The following NBAS variants were observed in gnomAD, a reference collection of about 807,000 sequenced individuals.
The protein encoded by NBAS is NAG/BC035112 fusion.
Under a neutral mutation model 302.5 loss-of-function variants are expected in NBAS, and 219 were observed. That is an observed-to-expected ratio of 0.72 (90% CI 0.65 to 0.81). The LOEUF (loss-of-function observed/expected upper bound fraction) is 0.81. NBAS is among the 30% of genes least tolerant of loss of function. NBAS has a pLI of 0.00. For synonymous variants in NBAS, 1,118 were observed against 1,021.6 expected (o/e 1.09, Z -1.80); for missense variants, 2,932 against 2,841.6 (o/e 1.03, Z -0.72).
At chr2:15,422,736 ATTT>A (rs953445887) in intron 23 of NBAS, among the ~76,000 whole-genome samples, 2 of 152,150 alleles carry the variant, frequency 1.3e-5, no homozygotes, top group African/African-American at 4.8e-5. Context: ...GACATGAGAA[ATTT>A]TTTAATTCAC....
At chr2:15,536,734 C>T (rs1383170577) in intron 7 of NBAS, among the ~76,000 whole-genome samples, 183 bp from the exon 8 acceptor site, 3 of 152,202 alleles carry the variant, frequency 2.0e-5, no homozygotes, top group Non-Finnish European at 4.4e-5. Flanking sequence ...ACACCCAAAT[C>T]TAGACCAGCC....
At chr2:15,541,045 T>C (rs141079981) in intron 6 of NBAS, among the ~76,000 whole-genome samples, 2 of 152,232 alleles carry the variant, frequency 1.3e-5, no homozygotes, top group African/African-American at 2.4e-5. Context: ...TTTATACATA[T>C]TGCTGCTCTA....
chr2:15,154,279 G>C, the NBAS span, among the ~76,000 whole-genome samples: 2 of 152,340 alleles, frequency 1.3e-5, no homozygotes, highest in Admixed American at 1.3e-4. Context: ...AGTTTCATTA[G>C]ATTCTATCCC....
At chr2:15,509,107 C>T (rs547108340) in intron 10 of NBAS, among the ~76,000 whole-genome samples, 1 of 152,274 alleles carries the variant, frequency 6.6e-6, no homozygotes, top group Admixed American at 6.5e-5. Context: ...CAGATATGAA[C>T]TAATGTGTCT....
At chr2:15,490,886 G>A (rs1680827233) in intron 11 of NBAS, among the ~76,000 whole-genome samples, 1 of 152,120 alleles carries the variant, frequency 6.6e-6, no homozygotes, top group Non-Finnish European at 1.5e-5. Context: ...AATTAGTCAT[G>A]TGTGATCTGT....
At chr2:15,411,818 T>C (rs1676700785) in intron 25 of NBAS, among the ~76,000 whole-genome samples, 1 of 152,076 alleles carries the variant, frequency 6.6e-6, no homozygotes, top group Admixed American at 6.6e-5. Context: ...GCATAGAAAA[T>C]GCTAAGAAAA....
intron 23 of NBAS, among the ~76,000 whole-genome samples, chr2:15,421,114 T>A (rs908210617): frequency 2.0e-5 from 3 of 152,098 alleles, no homozygotes; most frequent in African/African-American, 7.2e-5. Context: ...AAAGAATACA[T>A]CTACCTTTAT....
intron 38 of NBAS, among the ~76,000 whole-genome samples, chr2:15,314,794 G>A (rs1270582959): frequency 6.6e-6 from 1 of 152,132 alleles, no homozygotes; most frequent in Non-Finnish European, 1.5e-5. Context: ...CCTTTAATAG[G>A]AGCGTGGATG....
rs765301563 is a variant in NBAS at position 15,167,309 on chromosome 2, A to G, written c.6855T>C (p.Asn2285=). The change falls in exon 52 of 52, where the codon AAT becomes AAC. Residue 2285 remains asparagine, a synonymous_variant. Transcript: ENST00000281513. ...ITAVTTVNDS[N]CDQELLSLLL... ...GCAGGGAAAGAAGTTCTTGGTCACAATTGGAATCATTCACCTTCAAGAAAT... is the reference window on the plus strand; with the variant it reads ...GCAGGGAAAGAAGTTCTTGGTCACAGTTGGAATCATTCACCTTCAAGAAAT... The G allele has an allele frequency of 6.8e-6, 11 of 1,614,112 alleles. No homozygotes were observed. The highest frequency in any genetic ancestry group is 4.5e-5 in the East Asian group (2 of 44,902).
chr2:15,069,206 C>A, the NBAS span, among the ~76,000 whole-genome samples: 2 of 152,224 alleles, frequency 1.3e-5, no homozygotes, highest in African/African-American at 2.4e-5. Context: ...AAGCATAGCA[C>A]TGTCCAATTG....
intron 33 of NBAS, among the ~76,000 whole-genome samples, chr2:15,355,040 T>C (rs1673546111): frequency 6.6e-6 from 1 of 152,206 alleles, no homozygotes; most frequent in African/African-American, 2.4e-5. Context: ...CCAATCTCTC[T>C]CCCCTATTGC....
the NBAS span, among the ~76,000 whole-genome samples, chr2:15,066,352 C>T: frequency 1.3e-5 from 2 of 152,044 alleles, no homozygotes; most frequent in Non-Finnish European, 2.9e-5. Flanking sequence ...TCAGCAAAAA[C>T]AAAACCAAGC....
At chr2:14,969,760 A>G in the NBAS span, among the ~76,000 whole-genome samples, 1 of 152,118 alleles carries the variant, frequency 6.6e-6, no homozygotes, top group Non-Finnish European at 1.5e-5. Flanking sequence ...TCCATAAACC[A>G]AAACAAATGA....
Position 15,340,062 on chromosome 2 carries a change from T to C in NBAS, c.4180-9297A>G, listed in dbSNP as rs146113326. Among the ~76,000 whole-genome samples the C allele has an allele frequency of 1.4e-3, 208 of 152,304 alleles. No homozygotes were observed. In the Middle Eastern group the frequency reaches 0.031, roughly 22 times the overall value. Reference sequence around the variant, plus strand: ...AGAAAAGAGACCATGGGTGTCCTTGTAGATGACTATAAAGCCTTAGTTTCT... The same window carrying C: ...AGAAAAGAGACCATGGGTGTCCTTGCAGATGACTATAAAGCCTTAGTTTCT... On this transcript the variant is annotated intron_variant, in intron 35 of 51. Coordinates refer to ENST00000281513, the MANE Select transcript of NBAS (RefSeq NM_015909.4).
At chr2:15,406,360 C>T (rs989753705) in intron 25 of NBAS, among the ~76,000 whole-genome samples, 6 of 151,944 alleles carry the variant, frequency 3.9e-5, no homozygotes, top group South Asian at 2.1e-4. Context: ...GGAACAACTG[C>T]GTGGTCATTT....
intron 29 of NBAS, among the ~76,000 whole-genome samples, chr2:15,381,689 T>C (rs1277551992): frequency 6.6e-6 from 1 of 152,172 alleles, no homozygotes; most frequent in Non-Finnish European, 1.5e-5. Flanking sequence ...GCATACAAAT[T>C]ATGTTCTAAT....
chr2:15,385,901 G>A (rs1297116355), intron 28 of NBAS, among the ~76,000 whole-genome samples: 1 of 152,152 alleles, frequency 6.6e-6, no homozygotes, highest in Non-Finnish European at 1.5e-5. Flanking sequence ...GGGGGTTGGG[G>A]GAGATGGGGT....
At chr2:14,999,678 T>C in the NBAS span, among the ~76,000 whole-genome samples, 1 of 152,222 alleles carries the variant, frequency 6.6e-6, no homozygotes, top group Non-Finnish European at 1.5e-5. Flanking sequence ...TGTGGAACTG[T>C]GAGTCAATTA....
intron 42 of NBAS, among the ~76,000 whole-genome samples, chr2:15,278,990 A>G (rs893935220): frequency 6.6e-6 from 1 of 152,198 alleles, no homozygotes; most frequent in African/African-American, 2.4e-5. Context: ...ATCACTATTC[A>G]ACGAATACCA....
Sources: gnomAD v4.1 joint callset for allele counts (sites outside exome capture counted in the v4.1 genomes callset) on GRCh38, gnomAD v4.1.1 for gene constraint, MANE v1.5 for transcripts, NCBI Gene and HGNC (gene_info 2026-07-23, HGNC 2026-07-21) for gene names.